Variants in FYCO1 observed in about 807,000 individuals in gnomAD.
FYCO1 encodes FYVE and coiled-coil domain autophagy adaptor 1, also known as FYVE and coiled-coil domain-containing protein 1.
FYCO1 carries 122 observed loss-of-function variants against 165.1 expected under a neutral mutation model. That is an observed-to-expected ratio of 0.74 (90% CI 0.64 to 0.86). The LOEUF is 0.86. FYCO1 is among the 40% of genes least tolerant of loss of function. FYCO1 has a pLI of 0.00. For synonymous variants in FYCO1, 648 were observed against 742.5 expected (o/e 0.87, Z 2.07); for missense variants, 1,702 against 1,810.3 (o/e 0.94, Z 1.09).
chr3:45,988,561 G>A (rs1416144604), intron 1 of FYCO1, among the ~76,000 whole-genome samples: 1 of 152,190 alleles, frequency 6.6e-6, no homozygotes, highest in African/African-American at 2.4e-5. Flanking sequence ...AGGGCCCCCA[G>A]TGTGCCAATC....
chr3:45,936,342 T>G, intron 15 of FYCO1, 106 bp downstream of exon 15: 1 of 765,910 alleles, frequency 1.3e-6, no homozygotes, highest in Non-Finnish European at 2.4e-6. Context: ...GCCCCACTGG[T>G]ATTAAGTTAG....
intron 14 of FYCO1, among the ~76,000 whole-genome samples, chr3:45,940,403 A>G (rs1704153796): frequency 1.3e-5 from 2 of 152,216 alleles, no homozygotes; most frequent in South Asian, 4.1e-4. Context: ...GCAAAATGGC[A>G]GTTTAACCGG....
At position 45,919,970 on chromosome 3, in the gene FYCO1, A is replaced by G. The variant is rs188455813; in HGVS notation, c.*1795T>C. ...CCAGGAGAAGATGATTGAGCACCTG[A>G]TGGCTTTCTGCCAGAAGAGGCTGCT... is the stretch of plus-strand genomic sequence containing the variant. On this transcript the variant is annotated 3_prime_UTR_variant, in exon 18 of 18. Transcript: ENST00000296137. 1 of 152,334 alleles carries G rather than the reference A, an allele frequency of 6.6e-6. No individual in the cohort carries two copies. The highest frequency in any genetic ancestry group is 6.5e-5 in the Admixed American group (1 of 15,306). 9.4% of individuals were successfully genotyped at this position (152,334 alleles called of 1,614,324 possible). A position where few individuals can be genotyped will look rare whatever the true frequency, so the allele number is the denominator to read the frequency against.
chr3:45,923,243 G>GTTCA (rs754858489), intron 17 of FYCO1, among the ~76,000 whole-genome samples: 34 of 152,222 alleles, frequency 2.2e-4, no homozygotes, highest in African/African-American at 7.5e-4. Flanking sequence ...TCCCTTTCTC[G>GTTCA]TTCATTCATT....
chr3:45,966,188 G>T, intron 8 of FYCO1, 89 bp downstream of exon 8: 1 of 1,387,736 alleles, frequency 7.2e-7, no homozygotes, highest in Non-Finnish European at 1.0e-6. Context: ...GCCCTCACCT[G>T]CCTCATGGCT....
rs1480349704 is a variant in FYCO1, at chr3:45,967,897, G to A, written c.1437C>T (p.His479=). The change falls in exon 8 of 18, where the codon CAC becomes CAT. Residue 479 remains histidine, a synonymous_variant. Coordinates refer to ENST00000296137, the MANE Select transcript of FYCO1 (RefSeq NM_024513.4). The part of the protein sequence containing the change: ...LWRRLQELLA[H]TSSWEEELAE... ...CTAGCTCCTCCTCCCAGGAGCTCGT[G>A]TGGGCCAGCAACTCCTGCAGCCGTC... is the stretch of plus-strand genomic sequence containing the variant. The A allele has an allele frequency of 6.2e-7, 1 of 1,613,998 alleles. No individual in the cohort carries two copies. Among genetic ancestry groups the A allele is most frequent in the African/African-American group, 1.3e-5 (1 of 74,922 alleles).
At chr3:45,927,516 C>A (rs1014040989) in intron 16 of FYCO1, among the ~76,000 whole-genome samples, 3 of 152,146 alleles carry the variant, frequency 2.0e-5, no homozygotes, top group Non-Finnish European at 2.9e-5. Flanking sequence ...CTCAGGCTGG[C>A]AGCTGGTAGT....
Position 45,919,206 on chromosome 3 carries a change from C to A in FYCO1, c.*2559G>T, listed in dbSNP as rs1703012383. On this transcript the variant is annotated 3_prime_UTR_variant, in exon 18 of 18. Transcript: ENST00000296137. ...TGCTATTTGCATTTCTTTAAAGTAC[C>A]CCAGTCCTTAATTCTCAGTAAAGTT... 6.6e-6 allele frequency: 1 copy of A among 152,256 alleles called. No homozygotes were observed. The highest frequency in any genetic ancestry group is 1.5e-5 in the Non-Finnish European group (1 of 68,020). The allele number at this position is 152,256 out of a possible 1,614,324, so 9.4% of individuals were successfully genotyped here. A position where few individuals can be genotyped will look rare whatever the true frequency, so the allele number is the denominator to read the frequency against.
rs1167637765 is a variant in FYCO1, at chr3:45,973,124, C to A, written c.503G>T (p.Gly168Val). ...TEVQFDLASR[G>V]FDLDAAWPTF... ...TGGCCAGGCAGCATCCAAGTCAAAG[C>A]CCCTCGACGCCAGGTCAAACTGAAC... is the stretch of plus-strand genomic sequence containing the variant. Residue 168 changes from glycine to valine, a missense_variant, in exon 6 of 18, where the codon GGC becomes GTC. By Grantham distance (109) the Gly-to-Val change is moderately radical. Transcript: ENST00000296137. 6.2e-7 allele frequency: 1 copy of A among 1,614,230 alleles called. No homozygotes were observed. The highest frequency in any genetic ancestry group is 8.5e-7 in the Non-Finnish European group (1 of 1,180,030).
Position 45,981,582 on chromosome 3 carries a change from C to G in FYCO1, c.150G>C (p.Glu50Asp). 6.2e-7 allele frequency: 1 copy of G among 1,606,200 alleles called. No homozygotes were observed. The highest frequency in any genetic ancestry group is 8.5e-7 in the Non-Finnish European group (1 of 1,172,822). The change falls in exon 3 of 18, where the codon GAG becomes GAC. Residue 50 changes from glutamate to aspartate, a missense_variant. Coordinates refer to ENST00000296137, the MANE Select transcript of FYCO1 (RefSeq NM_024513.4). ...AGGCATCACTTACTTGCAGGAGATACTCAAGTTTATAAGAAAATTTATGCA... is the reference window on the plus strand; with the variant it reads ...AGGCATCACTTACTTGCAGGAGATAGTCAAGTTTATAAGAAAATTTATGCA... ...TSLHKFSYKL[E>D]YLLQFDQKEK... is the part of the protein sequence containing the mutation.
Position 45,967,038 on chromosome 3 carries a change from C to G in FYCO1, c.2296G>C (p.Glu766Gln). The change falls in exon 8 of 18, where the codon GAG becomes CAG. Residue 766 changes from glutamate (E) to glutamine (Q), a missense_variant. By Grantham distance (29) the Glu-to-Gln change is conservative. Coordinates refer to ENST00000296137, the MANE Select transcript of FYCO1 (RefSeq NM_024513.4). The stretch of plus-strand genomic sequence containing the variant: ...GACAGGGCTAGCTGGGCAGCCAGCT[C>G]ACGGGCTTCATTGTCAGTGGGTGGG... ...VGPPTDNEAR[E>Q]LAAQLALSQA... 1 of 1,613,550 alleles carries G rather than the reference C, an allele frequency of 6.2e-7. No homozygotes were observed. Among genetic ancestry groups the G allele is most frequent in the Admixed American group, 1.7e-5 (1 of 60,034 alleles).
At chr3:45,936,611 C>T (rs1167157407) in intron 14 of FYCO1, 68 bp from the exon 15 acceptor site, 16 of 1,161,884 alleles carry the variant, frequency 1.4e-5, no homozygotes, top group South Asian at 2.4e-5. Context: ...TCCTGGGGTC[C>T]GCAGTCTTGG....
intron 14 of FYCO1, among the ~76,000 whole-genome samples, chr3:45,954,881 C>G (rs972829889): frequency 6.6e-6 from 1 of 152,182 alleles, no homozygotes; most frequent in Non-Finnish European, 1.5e-5. Context: ...GCCCTGCCAG[C>G]ACCTGACCTT....
chr3:45,981,754 A>G (rs1465850424), intron 2 of FYCO1, 78 bp from the exon 3 acceptor site: 2 of 1,020,930 alleles, frequency 2.0e-6, no homozygotes, highest in African/African-American at 1.6e-5. Flanking sequence ...TCCAGGAAGC[A>G]TGAGGAGCAA....
chr3:45,950,091 G>A (rs964633895), intron 14 of FYCO1, among the ~76,000 whole-genome samples: 3 of 152,116 alleles, frequency 2.0e-5, no homozygotes. Flanking sequence ...GTGTGGGGCA[G>A]AGCCAGTTCC....
chr3:45,975,888 G>A (rs911061245), intron 4 of FYCO1, among the ~76,000 whole-genome samples: 1 of 152,196 alleles, frequency 6.6e-6, no homozygotes, highest in African/African-American at 2.4e-5. Context: ...ATGTGCAGAA[G>A]GAGGAAGGGA....
chr3:45,968,758 T>G (rs1706259897), intron 7 of FYCO1, 55 bp from the exon 8 acceptor site: 15 of 1,607,024 alleles, frequency 9.3e-6, no homozygotes, highest in Non-Finnish European at 1.2e-5. Flanking sequence ...ACAGGGCTAT[T>G]TAGAAAAGCT....
At chr3:45,960,055 C>T (rs1705599767) in intron 11 of FYCO1, among the ~76,000 whole-genome samples, 2 of 152,080 alleles carry the variant, frequency 1.3e-5, no homozygotes, top group South Asian at 4.1e-4. Flanking sequence ...CTCCTCTGCC[C>T]CTCAGAGAGA....
intron 14 of FYCO1, chr3:45,947,502 C>T (rs1704700895): frequency 1.2e-6 from 2 of 1,612,194 alleles, no homozygotes; most frequent in African/African-American, 1.3e-5. Flanking sequence ...CAGCATGTTC[C>T]AGTTATAGGC....
Sources: gnomAD v4.1 joint callset for allele counts (sites outside exome capture counted in the v4.1 genomes callset) on GRCh38, gnomAD v4.1.1 for gene constraint, MANE v1.5 for transcripts, NCBI Gene and HGNC (gene_info 2026-07-23, HGNC 2026-07-21) for gene names.